BTRC: variants seen among roughly 807,000 people sequenced by gnomAD.
BTRC encodes F-box/WD repeat-containing protein 1A.
A neutral mutation model predicts 85.5 loss-of-function variants in BTRC; 42 were observed. The observed-to-expected ratio is 0.49, with a 90% CI of 0.38 to 0.64. The LOEUF (loss-of-function observed/expected upper bound fraction) is 0.64, where lower values mean the gene tolerates loss of function less well. Among genes scored for constraint, BTRC ranks in the 30% least tolerant of loss-of-function variants. BTRC has a pLI of 0.00. For synonymous variants in BTRC, 255 were observed against 263.3 expected, an observed-to-expected ratio of 0.97 and a Z score of 0.30; for missense variants, 594 against 743.5, an observed-to-expected ratio of 0.80 and a Z score of 2.34.
Position 101,417,567 on chromosome 10 carries a change from A to G in BTRC, c.49-12778A>G, listed in dbSNP as rs138978402. Among the ~76,000 whole-genome samples, 180 of 152,304 alleles carry G rather than the reference A, an allele frequency of 1.2e-3. 1 individual carries two copies. Among genetic ancestry groups the G allele is most frequent in the African/African-American group, 4.2e-3 (174 of 41,544 alleles). ...AAGATATCAGGGTTTTTTTCCCACT[A>G]TAGAATTAACTTTATATTTTTCCAA... is the stretch of plus-strand genomic sequence containing the variant. On this transcript the variant is annotated intron_variant, in intron 1 of 14. Transcript: ENST00000370187.
intron 1 of BTRC, among the ~76,000 whole-genome samples, chr10:101,418,860 G>A (rs924180938): frequency 1.3e-5 from 2 of 151,914 alleles, no homozygotes; most frequent in Non-Finnish European, 2.9e-5. Flanking sequence ...CCCCTGACCC[G>A]CCCTCCTGGC....
At chr10:101,543,902 T>C (rs1434549858) in intron 13 of BTRC, among the ~76,000 whole-genome samples, 2 of 152,158 alleles carry the variant, frequency 1.3e-5, no homozygotes, top group East Asian at 3.8e-4. Context: ...TCAACCATCT[T>C]TTAAGATTTT....
intron 1 of BTRC, among the ~76,000 whole-genome samples, chr10:101,380,048 A>T (rs1050755814): frequency 1.3e-5 from 2 of 152,110 alleles, no homozygotes; most frequent in Non-Finnish European, 2.9e-5. Flanking sequence ...CGAGAATTCT[A>T]CCTGTTTTGT....
intron 1 of BTRC, among the ~76,000 whole-genome samples, chr10:101,384,971 C>A (rs1943028355): frequency 6.6e-6 from 1 of 151,966 alleles, no homozygotes; most frequent in East Asian, 1.9e-4. Flanking sequence ...ACCTGTAATC[C>A]CAGCACTTTG....
chr10:101,542,461 A>G (rs1281471438), intron 13 of BTRC, among the ~76,000 whole-genome samples: 1 of 152,218 alleles, frequency 6.6e-6, no homozygotes, highest in African/African-American at 2.4e-5. Context: ...GGTCTTCTGT[A>G]TCCTTAGTGA....
chr10:101,522,804 C>G (rs2062137057), intron 5 of BTRC, among the ~76,000 whole-genome samples: 1 of 152,126 alleles, frequency 6.6e-6, no homozygotes, highest in Non-Finnish European at 1.5e-5. Flanking sequence ...AAAATCTTTT[C>G]TGAGGTGTTA....
chr10:101,530,013 G>A (rs918043375), intron 6 of BTRC, among the ~76,000 whole-genome samples: 3 of 152,132 alleles, frequency 2.0e-5, no homozygotes, highest in Non-Finnish European at 2.9e-5. Context: ...CTTAACTTCC[G>A]GATGAGGAAT....
At chr10:101,402,581 TTC>T (rs1320189102) in intron 1 of BTRC, among the ~76,000 whole-genome samples, 16 of 152,226 alleles carry the variant, frequency 1.1e-4, no homozygotes, top group Non-Finnish European at 2.2e-4. Context: ...ATCTTAAAAA[TTC>T]TATATTAGAA....
chr10:101,463,828 T>C (rs1364869968), intron 3 of BTRC, among the ~76,000 whole-genome samples: 1 of 152,192 alleles, frequency 6.6e-6, no homozygotes, highest in Non-Finnish European at 1.5e-5. Flanking sequence ...GGGAAAGTAC[T>C]TGAAACTGTG....
intron 2 of BTRC, among the ~76,000 whole-genome samples, chr10:101,458,948 T>C (rs978051449): frequency 6.6e-6 from 1 of 152,214 alleles, no homozygotes; most frequent in African/African-American, 2.4e-5. Flanking sequence ...AAACTTTCAC[T>C]CACTTATTGT....
At position 101,430,349 on chromosome 10, in the gene BTRC, C is replaced by T. The variant is rs1195373543; in HGVS notation, c.53C>T (p.Ser18Phe). 6.2e-7 allele frequency: 1 copy of T among 1,613,252 alleles called. No homozygotes were observed. Among genetic ancestry groups the T allele is most frequent in the Non-Finnish European group, 8.5e-7 (1 of 1,179,404 alleles). Reference sequence around the variant, plus strand: ...ATAGTTGTCCTCTCTCTGCAGTGCTCTATGCCCAGGTCTCTGTGGCTGGGC... The same window carrying T: ...ATAGTTGTCCTCTCTCTGCAGTGCTTTATGCCCAGGTCTCTGTGGCTGGGC... Reference protein sequence around the residue: ...LQEKALKFMCSMPRSLWLGCS... With the variant: ...LQEKALKFMCFMPRSLWLGCS... Residue 18 changes from serine to phenylalanine, a missense_variant, in exon 2 of 15, where the codon TCT becomes TTT. This residue lies in a region of BTRC where 163 missense variants were observed against 180.5 expected (regional missense o/e 0.90). Transcript: ENST00000370187.
intron 2 of BTRC, among the ~76,000 whole-genome samples, chr10:101,439,237 A>G (rs556268817): frequency 2.6e-5 from 4 of 152,296 alleles, no homozygotes; most frequent in Admixed American, 6.5e-5. Flanking sequence ...CACAAATTGG[A>G]TGTGTGCCTG....
intron 1 of BTRC, among the ~76,000 whole-genome samples, chr10:101,372,241 GTTTTCT>G (rs567588612): frequency 0.011 from 1,612 of 149,164 alleles, 13 homozygotes; most frequent in Middle Eastern, 0.024. Flanking sequence ...GGCCTTTTGC[GTTTTCT>G]TTTTCTTTTT....
chr10:101,472,747 G>A (rs763208088), intron 3 of BTRC, among the ~76,000 whole-genome samples: 2 of 152,100 alleles, frequency 1.3e-5, no homozygotes, highest in African/African-American at 2.4e-5. Flanking sequence ...CCCGGGAGAC[G>A]GAGGTTGCGG....
At chr10:101,518,932 C>T (rs1160844004) in intron 4 of BTRC, among the ~76,000 whole-genome samples, 2 of 152,162 alleles carry the variant, frequency 1.3e-5, no homozygotes, top group Admixed American at 1.3e-4. Flanking sequence ...TTTATTAATT[C>T]TGTGTGTAGT....
intron 4 of BTRC, among the ~76,000 whole-genome samples, chr10:101,509,148 T>G (rs1946624585): frequency 6.6e-6 from 1 of 151,778 alleles, no homozygotes; most frequent in Non-Finnish European, 1.5e-5. Flanking sequence ...ATCACCATCT[T>G]CATCACTAGG....
intron 1 of BTRC, among the ~76,000 whole-genome samples, chr10:101,371,900 C>A (rs2134545059): frequency 6.6e-6 from 1 of 152,172 alleles, no homozygotes; most frequent in African/African-American, 2.4e-5. Flanking sequence ...GGAGGCACAC[C>A]TCACACATGA....
At chr10:101,461,340 T>C (rs146072754) in intron 2 of BTRC, among the ~76,000 whole-genome samples, 1,577 of 152,322 alleles carry the variant, frequency 0.01, 20 homozygotes, top group Admixed American at 0.049. Flanking sequence ...TAGCAGATTT[T>C]TAGTACTTAT....
At chr10:101,405,776 T>C (rs1237971508) in intron 1 of BTRC, among the ~76,000 whole-genome samples, 1 of 152,228 alleles carries the variant, frequency 6.6e-6, no homozygotes. Flanking sequence ...TTCTAGTTAA[T>C]TATCCTTTTG....
Sources: gnomAD v4.1 joint callset for allele counts (sites outside exome capture counted in the v4.1 genomes callset) on GRCh38, gnomAD v4.1.1 for gene constraint, gnomAD v4.1.1 regional missense constraint, MANE v1.5 for transcripts, NCBI Gene and HGNC (gene_info 2026-07-23, HGNC 2026-07-21) for gene names.